The following ETNK1 variants were observed in gnomAD, a reference collection of about 807,000 sequenced individuals.
ETNK1 encodes ethanolamine kinase 1, also known as putative protein product of Nbla10396.
In ETNK1, 8 loss-of-function variants were observed where a neutral mutation model predicts 45.1. The observed-to-expected ratio is 0.18, with a 90% CI of 0.10 to 0.32. The LOEUF (loss-of-function observed/expected upper bound fraction) is 0.32. Ranked by LOEUF, ETNK1 falls within the 10% of genes least tolerant of loss-of-function variation. The pLI, the probability that ETNK1 is intolerant of heterozygous loss-of-function variation, is 1.00. For missense variants in ETNK1, 302 were observed against 430.6 expected (o/e 0.70, Z 2.64); for synonymous variants, 152 against 151.9 (o/e 1.00, Z -0.01).
intron 1 of ETNK1, among the ~76,000 whole-genome samples, chr12:22,632,586 T>C (rs1372062232): frequency 6.6e-6 from 1 of 152,096 alleles, no homozygotes; most frequent in Non-Finnish European, 1.5e-5. Context: ...CATAGCTCAC[T>C]GCAGCCTTGT....
rs1295876506 is a variant in ETNK1, at chr12:22,685,136, C to T, written c.*182C>T. 4.0e-6 allele frequency: 2 copies of T among 504,874 alleles called. No homozygotes were observed. The highest frequency in any genetic ancestry group is 3.1e-5 in the East Asian group (1 of 31,788). 31.3% of individuals were successfully genotyped at this position (504,874 alleles called of 1,614,324 possible). On this transcript the variant is annotated 3_prime_UTR_variant, in exon 8 of 8. Coordinates refer to ENST00000266517, the MANE Select transcript of ETNK1 (RefSeq NM_018638.5). ...AGACTGAATGATGTCAAGAAATATA[C>T]CTACTGCTATCCGTATGTGGTGGAT...
rs1159316852 is a variant in ETNK1 at position 22,625,293 on chromosome 12, C to T, written c.-138C>T. On this transcript the variant is annotated 5_prime_UTR_variant, in exon 1 of 8. Coordinates refer to ENST00000266517, the MANE Select transcript of ETNK1 (RefSeq NM_018638.5). ...CGCCTCCAGACGTTCTCCTGCCGCT[C>T]GCCCGCCCGTCCCAGCGCCCCCAGC... 6.2e-6 allele frequency: 10 copies of T among 1,607,578 alleles called. No individual in the cohort carries two copies. The highest frequency in any genetic ancestry group is 7.6e-6 in the Non-Finnish European group (9 of 1,177,836).
rs1476397785 is a variant in ETNK1, at chr12:22,625,559, C to T, written c.129C>T (p.His43=). ...GCCTCCTGCAACACCTGCGGCCTCA[C>T]TGGGACCCCCAGGAGGTGACCCTGC... ...ALSLLQHLRP[H]WDPQEVTLQL... The change falls in exon 1 of 8, where the codon CAC becomes CAT. Residue 43 remains histidine (H), a synonymous_variant. Transcript: ENST00000266517. 1.2e-6 allele frequency: 2 copies of T among 1,600,572 alleles called. No individual in the cohort carries two copies. The highest frequency in any genetic ancestry group is 1.7e-6 in the Non-Finnish European group (2 of 1,174,110).
chr12:22,673,345 T>C (rs73080495), intron 5 of ETNK1, among the ~76,000 whole-genome samples, 155 bp from the exon 6 acceptor site: 10,860 of 152,306 alleles, frequency 0.071, 537 homozygotes, highest in South Asian at 0.14. Context: ...GATTGGTTTA[T>C]TATTTTAATA....
Position 22,645,697 on chromosome 12 carries a change from CA to C in ETNK1, c.416+1676del, listed in dbSNP as rs369875388. Among the ~76,000 whole-genome samples the C allele has an allele frequency of 8.2e-4, 124 of 151,734 alleles. 1 individual carries two copies. The highest frequency in any genetic ancestry group is 6.2e-4 in the Non-Finnish European group (42 of 67,698). On this transcript the variant is annotated intron_variant, in intron 2 of 7. Coordinates refer to ENST00000266517, the MANE Select transcript of ETNK1 (RefSeq NM_018638.5). ...TAATTGGTGTATCTATCATCTCAGA[CA>C]TTTTTTTTTGGGTTGGGACATTACA...
At chr12:22,636,574 T>C (rs1415541544) in intron 1 of ETNK1, among the ~76,000 whole-genome samples, 1 of 152,206 alleles carries the variant, frequency 6.6e-6, no homozygotes, top group African/African-American at 2.4e-5. Context: ...CTACCTCAGC[T>C]TCCTTCTCTA....
At chr12:22,645,862 C>T (rs1009015286) in intron 2 of ETNK1, among the ~76,000 whole-genome samples, 5 of 151,772 alleles carry the variant, frequency 3.3e-5, no homozygotes, top group Non-Finnish European at 7.4e-5. Flanking sequence ...CTTTTCATCA[C>T]CCCCCTTCCT....
intron 1 of ETNK1, among the ~76,000 whole-genome samples, chr12:22,628,532 A>G (rs1953534105): frequency 6.6e-6 from 1 of 152,110 alleles, no homozygotes; most frequent in South Asian, 2.1e-4. Context: ...TTTGATTTTT[A>G]ATTTTTATAC....
At position 22,625,639 on chromosome 12, in the gene ETNK1, G is replaced by T. The variant is rs1012965666; in HGVS notation, c.156+53G>T. On this transcript the variant is annotated intron_variant, in intron 1 of 7. Coordinates refer to ENST00000266517, the MANE Select transcript of ETNK1 (RefSeq NM_018638.5). The stretch of plus-strand genomic sequence containing the variant: ...TCTTATGCCCCTCACGCGGCTCTGG[G>T]GGTCCTCACCACAATCGCCTCTGTC... 6 of 1,517,886 alleles carry T rather than the reference G, an allele frequency of 4.0e-6. No individual in the cohort carries two copies. The Admixed American group carries it at 1.2e-4, about 30-fold the overall frequency. 94.0% of individuals were successfully genotyped at this position (1,517,886 alleles called of 1,614,324 possible).
rs1452791285 is a variant in ETNK1 at position 22,684,554 on chromosome 12, T to C, written c.1017T>C (p.Leu339=). ...AKYSTIEFDF[L]GYAIVRFNQY... is the part of the protein sequence containing the mutation. The stretch of plus-strand genomic sequence containing the variant: ...ACTCCACTATTGAGTTTGATTTCCT[T>C]GGGTAAGTTAAATTTTATTATATGA... The change falls in exon 7 of 8, where the codon CTT becomes CTC. Residue 339 remains leucine (L), a splice_region_variant and synonymous_variant. Coordinates refer to ENST00000266517, the MANE Select transcript of ETNK1 (RefSeq NM_018638.5). 1 of 1,597,850 alleles carries C rather than the reference T, an allele frequency of 6.3e-7. No homozygotes were observed. The highest frequency in any genetic ancestry group is 8.6e-7 in the Non-Finnish European group (1 of 1,167,638).
chr12:22,686,829 T>C lies in ETNK1; in HGVS notation c.*1875T>C, dbSNP rs1197078861. On this transcript the variant is annotated 3_prime_UTR_variant, in exon 8 of 8. Coordinates refer to ENST00000266517, the MANE Select transcript of ETNK1 (RefSeq NM_018638.5). ...GGTTAGAACATTTTCATAAAACAGA[T>C]AAAGAATGTGTAATACTCTTAATTT... 1 of 140,344 alleles carries C rather than the reference T, an allele frequency of 7.1e-6. No homozygotes were observed. Among genetic ancestry groups the C allele is most frequent in the Non-Finnish European group, 1.5e-5 (1 of 64,588 alleles). 8.7% of individuals were successfully genotyped at this position (140,344 alleles called of 1,614,324 possible). A position where few individuals can be genotyped will look rare whatever the true frequency, so the allele number is the denominator to read the frequency against.
chr12:22,683,870 CT>C (rs1954236083), intron 6 of ETNK1, among the ~76,000 whole-genome samples: 1 of 152,124 alleles, frequency 6.6e-6, no homozygotes, highest in African/African-American at 2.4e-5. Flanking sequence ...CCCTGTTTAA[CT>C]GAAAATAGAT....
intron 1 of ETNK1, among the ~76,000 whole-genome samples, chr12:22,631,955 TTG>T (rs1953586193): frequency 6.6e-6 from 1 of 152,152 alleles, no homozygotes; most frequent in Admixed American, 6.5e-5. Context: ...GAATCATAAA[TTG>T]TTGTAAAACA....
At chr12:22,654,168 G>T (rs1234506624) in intron 2 of ETNK1, among the ~76,000 whole-genome samples, 3 of 152,184 alleles carry the variant, frequency 2.0e-5, no homozygotes, top group African/African-American at 7.2e-5. Flanking sequence ...GGTGCCATCT[G>T]TAAGGAACAT....
chr12:22,673,220 TGGGTTTGTGATGCAGC>T (rs1208786956), intron 5 of ETNK1, among the ~76,000 whole-genome samples: 2 of 152,182 alleles, frequency 1.3e-5, no homozygotes, highest in African/African-American at 4.8e-5. Flanking sequence ...ATGCATAGTT[TGGGTTTGTGATGCAGC>T]TGGTTCAAGC....
rs1221684151 is a variant in ETNK1, at chr12:22,687,127, G to T, written c.*2173G>T. ...ACTTTAGCTCTGGGACTATGCAGTG[G>T]ATCTTGGGAACAAAATAAGATATCT... is the stretch of plus-strand genomic sequence containing the variant. On this transcript the variant is annotated 3_prime_UTR_variant, in exon 8 of 8. Transcript: ENST00000266517. The T allele has an allele frequency of 6.6e-6, 1 of 151,604 alleles. No individual in the cohort carries two copies. The highest frequency in any genetic ancestry group is 2.4e-5 in the African/African-American group (1 of 41,354). The allele number at this position is 151,604 out of a possible 1,614,324, so 9.4% of individuals were successfully genotyped here.
At chr12:22,680,551 A>T (rs1954204491) in intron 6 of ETNK1, among the ~76,000 whole-genome samples, 1 of 152,144 alleles carries the variant, frequency 6.6e-6, no homozygotes, top group Non-Finnish European at 1.5e-5. Flanking sequence ...TTAGAAGCTT[A>T]TTCCTTCTAC....
Position 22,687,393 on chromosome 12 carries a change from G to A in ETNK1, c.*2439G>A, listed in dbSNP as rs1184326359. 2 of 152,258 alleles carry A rather than the reference G, an allele frequency of 1.3e-5. No individual in the cohort carries two copies. Among genetic ancestry groups the A allele is most frequent in the Non-Finnish European group, 2.9e-5 (2 of 67,800 alleles). The allele number at this position is 152,258 out of a possible 1,614,324, so 9.4% of individuals were successfully genotyped here. On this transcript the variant is annotated 3_prime_UTR_variant, in exon 8 of 8. Coordinates refer to ENST00000266517, the MANE Select transcript of ETNK1 (RefSeq NM_018638.5). ...CTTTTTATGTTAAGCTAAGGAACTTGAATGCCTTACCTAATAACTCAACTA... is the reference window on the plus strand; with the variant it reads ...CTTTTTATGTTAAGCTAAGGAACTTAAATGCCTTACCTAATAACTCAACTA...
intron 6 of ETNK1, among the ~76,000 whole-genome samples, chr12:22,683,395 A>AT (rs1954231817): frequency 6.6e-6 from 1 of 151,930 alleles, no homozygotes. Flanking sequence ...AGTTAGTGGT[A>AT]TTTTTTTGAG....
Sources: gnomAD v4.1 joint callset for allele counts (sites outside exome capture counted in the v4.1 genomes callset) on GRCh38, gnomAD v4.1.1 for gene constraint, MANE v1.5 for transcripts, NCBI Gene and HGNC (gene_info 2026-07-23, HGNC 2026-07-21) for gene names.